Variants in GFPT2 observed in about 807,000 individuals in gnomAD.
GFPT2 encodes the protein glutamine--fructose-6-phosphate transaminase 2, also known as glutamine--fructose-6-phosphate aminotransferase [isomerizing] 2.
Under a neutral mutation model 85.6 loss-of-function variants are expected in GFPT2, and 62 were observed. The ratio of observed to expected loss-of-function variants is 0.72; its 90% CI spans 0.59 to 0.90. The LOEUF is 0.90. GFPT2 is among the 40% of genes least tolerant of loss of function. The pLI is 0.00. For missense variants in GFPT2, 788 were observed against 893.4 expected (o/e 0.88, Z 1.50); for synonymous variants, 368 against 344.5 (o/e 1.07, Z -0.75).
chr5:180,301,738 C>T (rs1763677024), intron 18 of GFPT2, 130 bp from the exon 19 acceptor site: 18 of 742,722 alleles, frequency 2.4e-5, no homozygotes, highest in Admixed American at 8.6e-5. Flanking sequence ...TAGAGACCTG[C>T]GTCTTGGAGG....
chr5:180,333,455 C>T (rs1044696837), intron 4 of GFPT2, among the ~76,000 whole-genome samples: 30 of 152,200 alleles, frequency 2.0e-4, no homozygotes, highest in African/African-American at 7.0e-4. Flanking sequence ...AGGATGGTCT[C>T]GATCTCCCGA....
At chr5:180,349,136 A>T (rs887519164) in intron 1 of GFPT2, among the ~76,000 whole-genome samples, 2 of 151,724 alleles carry the variant, frequency 1.3e-5, no homozygotes. Context: ...AATTAAAAGA[A>T]AAAAAAATCT....
intron 8 of GFPT2, among the ~76,000 whole-genome samples, 169 bp downstream of exon 8, chr5:180,324,647 G>C (rs1159512224): frequency 6.6e-6 from 1 of 152,168 alleles, no homozygotes; most frequent in African/African-American, 2.4e-5. Flanking sequence ...AAAAAATGGA[G>C]CCAAGTCTCA....
In GFPT2 at chr5:180,318,440, C is replaced by T. The variant is rs1263523853; in HGVS notation, c.958+353G>A. 6.6e-6 allele frequency among the ~76,000 whole-genome samples: 1 copy of T among 152,074 alleles called. No homozygotes were observed. Among genetic ancestry groups the T allele is most frequent in the African/African-American group, 2.4e-5 (1 of 41,384 alleles). ...CTCCTTGTAGGGAGAAAGTGTACCCCCACCCCCCATTTACTGCAGACCTGC... is the reference window on the plus strand; with the variant it reads ...CTCCTTGTAGGGAGAAAGTGTACCCTCACCCCCCATTTACTGCAGACCTGC... On this transcript the variant is annotated intron_variant, in intron 10 of 18. Transcript: ENST00000253778. This position sits in a 1 kb window ranked among gnomAD's most constrained non-coding sequence, Gnocchi z 4.2.
chr5:180,348,378 G>A (rs1455724798), intron 1 of GFPT2, among the ~76,000 whole-genome samples: 1 of 152,268 alleles, frequency 6.6e-6, no homozygotes, highest in Admixed American at 6.5e-5. Flanking sequence ...CCTTGGGCAA[G>A]GGCTGCTGAG....
chr5:180,312,965 C>T (rs370111718), intron 14 of GFPT2, among the ~76,000 whole-genome samples: 1 of 151,986 alleles, frequency 6.6e-6, no homozygotes, highest in Non-Finnish European at 1.5e-5. Context: ...TTAGTAGAGA[C>T]GGGGTTTCAC....
intron 5 of GFPT2, chr5:180,331,067 A>T: frequency 1.8e-6 from 1 of 548,106 alleles, no homozygotes; most frequent in South Asian, 2.7e-5. Context: ...TAATCTGGAC[A>T]TTGCAAAATA....
chr5:180,329,675 G>C (rs926841816), intron 6 of GFPT2, among the ~76,000 whole-genome samples: 4 of 152,220 alleles, frequency 2.6e-5, no homozygotes, highest in African/African-American at 9.6e-5. Flanking sequence ...ACCTGCTCAA[G>C]AATGATGTAT....
At chr5:180,347,888 G>T (rs1764639621) in intron 1 of GFPT2, among the ~76,000 whole-genome samples, 1 of 152,252 alleles carries the variant, frequency 6.6e-6, no homozygotes, top group South Asian at 2.1e-4. Flanking sequence ...CAGCCAGGTT[G>T]GGCCCACGTT....
At position 180,328,132 on chromosome 5, in the gene GFPT2, G is replaced by A. The variant is rs1379625697; in HGVS notation, c.596+145C>T. The A allele has an allele frequency of 3.6e-6, 2 of 560,876 alleles. No individual in the cohort carries two copies. The highest frequency in any genetic ancestry group is 6.4e-6 in the Non-Finnish European group (2 of 311,980). 34.7% of individuals were successfully genotyped at this position (560,876 alleles called of 1,614,324 possible). On this transcript the variant is annotated intron_variant, in intron 7 of 18. Coordinates refer to ENST00000253778, the MANE Select transcript of GFPT2 (RefSeq NM_005110.4). This position sits in a 1 kb window ranked among gnomAD's most constrained non-coding sequence, Gnocchi z 5.4. ...CCAGCCATGGAGATGGTGGGGCGCG[G>A]TCCCCGGGGCTGAGCCACAGTTGTT...
At position 180,302,431 on chromosome 5, in the gene GFPT2, C is replaced by G. The variant is rs773836400; in HGVS notation, c.1996G>C (p.Gly666Arg). The G allele has an allele frequency of 6.2e-7, 1 of 1,613,570 alleles. No individual in the cohort carries two copies. Among genetic ancestry groups the G allele is most frequent in the East Asian group, 2.2e-5 (1 of 44,874 alleles). ...LLSFHLAVLR[G>R]YDVDFPRNLA... is the part of the protein sequence containing the mutation. ...GCAGTTTTTAGACGCACGTCATATC[C>G]TCGGAGAACAGCCAGGTGGAAGGAC... The change falls in exon 18 of 19, where the codon GGA becomes CGA. Residue 666 changes from glycine (G) to arginine (R), a missense_variant. Coordinates refer to ENST00000253778, the MANE Select transcript of GFPT2 (RefSeq NM_005110.4).
Position 180,336,521 on chromosome 5 carries a change from T to C in GFPT2, c.172A>G (p.Lys58Glu), listed in dbSNP as rs1764404996. 1 of 1,612,074 alleles carries C rather than the reference T, an allele frequency of 6.2e-7. No homozygotes were observed. The highest frequency in any genetic ancestry group is 1.1e-5 in the South Asian group (1 of 91,028). Residue 58 changes from lysine to glutamate, a missense_variant, in exon 3 of 19, where the codon AAG (lysine) becomes GAG (glutamate). Lys to Glu is a moderately conservative substitution (Grantham distance 56). Coordinates refer to ENST00000253778, the MANE Select transcript of GFPT2 (RefSeq NM_005110.4). Reference protein sequence around the residue: ...EVKERHIQLVKKRGKVKALDE... With the variant: ...EVKERHIQLVEKRGKVKALDE... ...AGAGCCTTGACTTTCCCCCTTTTCT[T>C]GACCAGCTGAATGTGTCTTTCTTTG...
rs1297884203 is a variant in GFPT2 at position 180,323,805 on chromosome 5, A to C, written c.794+383T>G. Among the ~76,000 whole-genome samples, 2 of 152,186 alleles carry C rather than the reference A, an allele frequency of 1.3e-5. No homozygotes were observed. Among genetic ancestry groups the C allele is most frequent in the Non-Finnish European group, 2.9e-5 (2 of 68,038 alleles). ...GGGGGCAGCCTTTGAGCAGATCCAG[A>C]CACCTGCCACCTGAGAGAGGGCTGC... On this transcript the variant is annotated intron_variant, in intron 9 of 18. Coordinates refer to ENST00000253778, the MANE Select transcript of GFPT2 (RefSeq NM_005110.4). The surrounding 1 kb of genome is among the most constrained non-coding windows in gnomAD (Gnocchi z 4.0).
At chr5:180,334,874 C>T (rs748159782) in intron 4 of GFPT2, among the ~76,000 whole-genome samples, 4 of 152,196 alleles carry the variant, frequency 2.6e-5, no homozygotes, top group Non-Finnish European at 5.9e-5. Flanking sequence ...TGCAGGGGAC[C>T]CGGCGCCCTG....
chr5:180,334,608 G>A (rs987742738), intron 4 of GFPT2, among the ~76,000 whole-genome samples: 5 of 152,230 alleles, frequency 3.3e-5, no homozygotes, highest in African/African-American at 7.2e-5. Context: ...GGCTTGGCAC[G>A]AACTTACACT....
Position 180,328,921 on chromosome 5 carries a change from T to G in GFPT2, c.535-583A>C, listed in dbSNP as rs1764258845. ...GACCCAAGAGAAGCACAGGTTGTCA[T>G]GACCGTTACTGCTATTATCCTTTCC... On this transcript the variant is annotated intron_variant, in intron 6 of 18. Transcript: ENST00000253778. The surrounding 1 kb of genome is among the most constrained non-coding windows in gnomAD (Gnocchi z 5.4). Among the ~76,000 whole-genome samples, 1 of 152,236 alleles carries G rather than the reference T, an allele frequency of 6.6e-6. No individual in the cohort carries two copies. Among genetic ancestry groups the G allele is most frequent in the African/African-American group, 2.4e-5 (1 of 41,456 alleles).
At chr5:180,336,723 T>C in intron 2 of GFPT2, 146 bp from the exon 3 acceptor site, 1 of 692,806 alleles carries the variant, frequency 1.4e-6, no homozygotes, top group East Asian at 2.5e-5. Context: ...GGAAATCTGC[T>C]CTGAAAGAGG....
In GFPT2 at chr5:180,335,832, G is replaced by A. The variant is rs1212325885; in HGVS notation, c.336C>T (p.Gly112=). 1 of 1,601,402 alleles carries A rather than the reference G, an allele frequency of 6.2e-7. No homozygotes were observed. The highest frequency in any genetic ancestry group is 8.5e-7 in the Non-Finnish European group (1 of 1,175,474). ...VNSHPQRSDK[G]NEFVVIHNGI... Reference sequence around the variant, plus strand: ...ACGGGGAAGCATGCCACATACCGTTGCCTTTGTCTGAGCGCTGAGGGTGGC... The same window carrying A: ...ACGGGGAAGCATGCCACATACCGTTACCTTTGTCTGAGCGCTGAGGGTGGC... The change falls in exon 4 of 19, where the codon GGC becomes GGT. Residue 112 remains glycine (G), a synonymous_variant. Coordinates refer to ENST00000253778, the MANE Select transcript of GFPT2 (RefSeq NM_005110.4).
chr5:180,310,224 T>C (rs1169737785), intron 15 of GFPT2, among the ~76,000 whole-genome samples: 1 of 150,800 alleles, frequency 6.6e-6, no homozygotes, highest in Admixed American at 6.6e-5. Context: ...TGCCTCAGCC[T>C]CCCAAGTAGC....
Sources: gnomAD v4.1 joint callset for allele counts (sites outside exome capture counted in the v4.1 genomes callset) on GRCh38, gnomAD v4.1.1 for gene constraint, Gnocchi (gnomAD v3.1) non-coding constraint, MANE v1.5 for transcripts, NCBI Gene and HGNC (gene_info 2026-07-23, HGNC 2026-07-21) for gene names.